The following TBC1D5 variants were observed in gnomAD, a reference collection of about 807,000 sequenced individuals.
TBC1D5 encodes TBC1 domain family member 5.
Under a neutral mutation model 100.3 loss-of-function variants are expected in TBC1D5, and 75 were observed. The ratio of observed to expected loss-of-function variants is 0.75; its 90% CI spans 0.62 to 0.91. The LOEUF (loss-of-function observed/expected upper bound fraction) is 0.91. Among genes scored for constraint, TBC1D5 ranks in the 40% least tolerant of loss-of-function variants. The pLI is 0.00. For missense variants in TBC1D5, 910 were observed against 942.4 expected (o/e 0.97, Z 0.45); for synonymous variants, 323 against 325.6 (o/e 0.99, Z 0.09).
intron 1 of TBC1D5, among the ~76,000 whole-genome samples, chr3:17,626,377 C>A (rs1035688356): frequency 1.3e-5 from 2 of 151,978 alleles, no homozygotes; most frequent in African/African-American, 4.8e-5. Flanking sequence ...TGTAGGCAAC[C>A]AATTAAGATT....
At chr3:17,636,482 T>C (rs1361391773) in intron 1 of TBC1D5, among the ~76,000 whole-genome samples, 1 of 151,990 alleles carries the variant, frequency 6.6e-6, no homozygotes, top group Non-Finnish European at 1.5e-5. Context: ...AATATGTTAT[T>C]TAAAGCTATA....
At chr3:17,656,636 C>T (rs552133467) in intron 1 of TBC1D5, among the ~76,000 whole-genome samples, 1 of 152,168 alleles carries the variant, frequency 6.6e-6, no homozygotes, top group South Asian at 2.1e-4. Flanking sequence ...ACACACAATC[C>T]AAAGTAAAAC....
intron 2 of TBC1D5, among the ~76,000 whole-genome samples, chr3:17,518,704 C>T (rs917789180): frequency 6.6e-6 from 1 of 152,242 alleles, no homozygotes; most frequent in African/African-American, 2.4e-5. Flanking sequence ...AGGGCAGCTG[C>T]CTCAGCAAAA....
intron 1 of TBC1D5, among the ~76,000 whole-genome samples, chr3:17,697,042 C>A (rs1456172986): frequency 6.6e-6 from 1 of 152,170 alleles, no homozygotes; most frequent in East Asian, 1.9e-4. Context: ...AGGCCTTCGA[C>A]AAAATTCAAC....
chr3:17,685,287 T>C (rs1313927281), intron 1 of TBC1D5, among the ~76,000 whole-genome samples: 2 of 151,782 alleles, frequency 1.3e-5, no homozygotes, highest in Non-Finnish European at 2.9e-5. Context: ...AAGAAAAAAA[T>C]CAAAACTAGT....
At chr3:17,711,707 A>G (rs898079412) in intron 1 of TBC1D5, among the ~76,000 whole-genome samples, 27 of 152,212 alleles carry the variant, frequency 1.8e-4, no homozygotes, top group African/African-American at 5.8e-4. Flanking sequence ...TAGGTCATTC[A>G]TTTGCACTGC....
intron 8 of TBC1D5, among the ~76,000 whole-genome samples, chr3:17,398,580 T>G (rs1032896931): frequency 6.6e-6 from 1 of 152,148 alleles, no homozygotes; most frequent in Non-Finnish European, 1.5e-5. Context: ...CAATCAATGA[T>G]CATTTATTAA....
intron 2 of TBC1D5, among the ~76,000 whole-genome samples, chr3:17,606,797 C>T (rs2061359775): frequency 6.6e-6 from 1 of 151,974 alleles, no homozygotes; most frequent in African/African-American, 2.4e-5. Flanking sequence ...ACAACAACAA[C>T]AACAACAAAT....
At chr3:17,302,322 T>C (rs1472931877) in intron 14 of TBC1D5, among the ~76,000 whole-genome samples, 1 of 152,224 alleles carries the variant, frequency 6.6e-6, no homozygotes, top group Admixed American at 6.5e-5. Context: ...CCTCTGTGCA[T>C]GTCTCTTGCC....
chr3:17,660,422 T>G (rs1036976065), intron 1 of TBC1D5, among the ~76,000 whole-genome samples: 1 of 152,222 alleles, frequency 6.6e-6, no homozygotes, highest in Non-Finnish European at 1.5e-5. Flanking sequence ...AATGCTATAA[T>G]ACCATCCTTC....
At chr3:17,477,076 T>C (rs1235577767) in intron 3 of TBC1D5, among the ~76,000 whole-genome samples, 1 of 151,916 alleles carries the variant, frequency 6.6e-6, no homozygotes, top group African/African-American at 2.4e-5. Flanking sequence ...AAAGAAGGTC[T>C]CCTCAATCCA....
At chr3:17,318,642 C>T (rs1418996607) in intron 13 of TBC1D5, among the ~76,000 whole-genome samples, 1 of 152,210 alleles carries the variant, frequency 6.6e-6, no homozygotes, top group Non-Finnish European at 1.5e-5. Context: ...CATCCAAAGA[C>T]AGATTATACA....
chr3:17,340,290 GGA>G (rs1352035455), intron 13 of TBC1D5, among the ~76,000 whole-genome samples: 1 of 152,164 alleles, frequency 6.6e-6, no homozygotes, highest in Non-Finnish European at 1.5e-5. Flanking sequence ...AAGTTCACAA[GGA>G]GAGACAATAA....
chr3:17,290,654 C>A (rs2081630684), intron 15 of TBC1D5, among the ~76,000 whole-genome samples: 2 of 152,070 alleles, frequency 1.3e-5, no homozygotes, highest in African/African-American at 4.8e-5. Flanking sequence ...ATTTTGTCAT[C>A]TTGTGGGGTT....
At chr3:17,259,155 G>A (rs2078031633) in intron 15 of TBC1D5, among the ~76,000 whole-genome samples, 1 of 152,086 alleles carries the variant, frequency 6.6e-6, no homozygotes, top group African/African-American at 2.4e-5. Context: ...GTCAAAATAT[G>A]CCAGGTAGTA....
chr3:17,372,291 TAATA>T lies in TBC1D5; in HGVS notation c.823-48_823-45del, dbSNP rs776360707. 29 of 1,488,564 alleles carry T rather than the reference TAATA, an allele frequency of 1.9e-5. No homozygotes were observed. In the Middle Eastern group the frequency reaches 9.2e-4, roughly 47 times the overall value. 92.2% of individuals were successfully genotyped at this position (1,488,564 alleles called of 1,614,324 possible). ...AACATGTATTATTTAAATATGAAAT[TAATA>T]AATATATGGATGTCATTCTTTATCA... is the stretch of plus-strand genomic sequence containing the variant. On this transcript the variant is annotated intron_variant, in intron 12 of 21. Coordinates refer to ENST00000253692, the Ensembl canonical transcript of TBC1D5.
At chr3:17,607,314 A>T (rs1474502444) in intron 2 of TBC1D5, among the ~76,000 whole-genome samples, 1 of 152,222 alleles carries the variant, frequency 6.6e-6, no homozygotes, top group East Asian at 1.9e-4. Context: ...AGTGAATAAA[A>T]TTGGAATAAA....
chr3:17,395,021 T>TC (rs2093461734), intron 8 of TBC1D5, among the ~76,000 whole-genome samples: 2 of 151,784 alleles, frequency 1.3e-5, no homozygotes, highest in Admixed American at 1.3e-4. Flanking sequence ...CAGAAAAATC[T>TC]CCAAGAGGCT....
intron 2 of TBC1D5, among the ~76,000 whole-genome samples, chr3:17,583,941 G>A (rs2096716744): frequency 2.6e-5 from 4 of 152,150 alleles, no homozygotes; most frequent in Admixed American, 2.6e-4. Context: ...TAACCAAAAA[G>A]TAGAAGCAAA....
Sources: gnomAD v4.1 joint callset for allele counts (sites outside exome capture counted in the v4.1 genomes callset) on GRCh38, gnomAD v4.1.1 for gene constraint, MANE v1.5 for transcripts, NCBI Gene and HGNC (gene_info 2026-07-23, HGNC 2026-07-21) for gene names.